UNC13C: variants seen among roughly 807,000 people sequenced by gnomAD.
UNC13C encodes protein unc-13 homolog C.
In UNC13C, 174 loss-of-function variants were observed where a neutral mutation model predicts 245.4. The observed-to-expected ratio is 0.71, with a 90% CI of 0.63 to 0.80. The LOEUF (loss-of-function observed/expected upper bound fraction) is 0.80. UNC13C is among the 30% of genes least tolerant of loss of function. The pLI, the probability that UNC13C is intolerant of heterozygous loss-of-function variation, is 0.00. For synonymous variants in UNC13C, 992 were observed against 895.1 expected (o/e 1.11, Z -1.93); for missense variants, 2,829 against 2,602.9 (o/e 1.09, Z -1.89).
intron 12 of UNC13C, among the ~76,000 whole-genome samples, chr15:54,298,329 GT>G (rs2037489890): frequency 6.6e-6 from 1 of 152,210 alleles, no homozygotes; most frequent in Admixed American, 6.5e-5. Context: ...TCGTAATTGT[GT>G]TTGAGAACTC....
intron 19 of UNC13C, among the ~76,000 whole-genome samples, chr15:54,475,340 G>A (rs1456173946): frequency 6.7e-6 from 1 of 149,432 alleles, no homozygotes; most frequent in Admixed American, 6.7e-5. Flanking sequence ...AAGTTTTAGG[G>A]TACATGTGCA....
intron 10 of UNC13C, among the ~76,000 whole-genome samples, chr15:54,281,154 A>G (rs2036986351): frequency 6.6e-6 from 1 of 152,150 alleles, no homozygotes; most frequent in Non-Finnish European, 1.5e-5. Context: ...CAGACTGACT[A>G]TATAAGCATT....
At chr15:54,575,560 C>T (rs530602271) in intron 30 of UNC13C, among the ~76,000 whole-genome samples, 59 of 147,244 alleles carry the variant, frequency 4.0e-4, no homozygotes, top group Admixed American at 2.9e-3. Flanking sequence ...AAACTGTTCT[C>T]AAATTAAAAA....
chr15:54,083,306 G>C (rs8037015), intron 2 of UNC13C, among the ~76,000 whole-genome samples: 132,685 of 152,114 alleles, frequency 0.87, 58,869 homozygotes, highest in Non-Finnish European at 0.96. Context: ...TGTGGCTATG[G>C]CCCTCTGGCA....
chr15:54,020,134 T>C (rs1198289241), intron 2 of UNC13C, among the ~76,000 whole-genome samples: 3 of 152,176 alleles, frequency 2.0e-5, no homozygotes, highest in Non-Finnish European at 4.4e-5. Context: ...AGGGATGTGA[T>C]CATCAGAACA....
chr15:54,475,699 G>T (rs1197634988), intron 19 of UNC13C, among the ~76,000 whole-genome samples: 1 of 142,504 alleles, frequency 7.0e-6, no homozygotes, highest in African/African-American at 2.6e-5. Flanking sequence ...TCTTAATCCA[G>T]TCTATCATTG....
chr15:54,288,586 A>G (rs1287524555), intron 10 of UNC13C, among the ~76,000 whole-genome samples: 3 of 151,992 alleles, frequency 2.0e-5, no homozygotes, highest in Admixed American at 1.3e-4. Context: ...CACATTGGCT[A>G]AAGTCCATCT....
At chr15:53,845,366 A>G in the UNC13C span, among the ~76,000 whole-genome samples, 1 of 152,008 alleles carries the variant, frequency 6.6e-6, no homozygotes, top group African/African-American at 2.4e-5. Flanking sequence ...AGCATGGAAC[A>G]GTATAGAAAA....
At chr15:54,410,654 A>G (rs939157541) in intron 18 of UNC13C, among the ~76,000 whole-genome samples, 1 of 151,952 alleles carries the variant, frequency 6.6e-6, no homozygotes, top group Non-Finnish European at 1.5e-5. Context: ...TTTGTGAAAG[A>G]CCAGATGGTT....
intron 18 of UNC13C, among the ~76,000 whole-genome samples, chr15:54,403,425 CTT>C (rs1444806221): frequency 1.3e-5 from 2 of 151,854 alleles, no homozygotes; most frequent in African/African-American, 4.8e-5. Context: ...TAAATAAAAA[CTT>C]TTAAAAAGTG....
intron 3 of UNC13C, 148 bp downstream of exon 3, chr15:54,143,188 G>A: frequency 1.2e-6 from 1 of 816,278 alleles, no homozygotes; most frequent in South Asian, 1.6e-5. Flanking sequence ...TGTCCTTTAA[G>A]TGTGCCTCTG....
At chr15:54,628,909 C>T (rs1038075913), downstream of UNC13C, 8 of 151,688 alleles carry the variant, frequency 5.3e-5, no homozygotes, top group East Asian at 1.9e-4. Flanking sequence ...AATTACCATT[C>T]GACTAAGCAA....
chr15:54,397,166 C>T (rs2040087629), intron 18 of UNC13C, among the ~76,000 whole-genome samples: 1 of 151,514 alleles, frequency 6.6e-6, no homozygotes, highest in Non-Finnish European at 1.5e-5. Flanking sequence ...ACATTTAAGT[C>T]TATAATTCAT....
chr15:54,445,948 C>T (rs1355520755), intron 19 of UNC13C, among the ~76,000 whole-genome samples: 1 of 152,112 alleles, frequency 6.6e-6, no homozygotes, highest in East Asian at 1.9e-4. Context: ...AGTCTTTAAT[C>T]CATCTTGAAT....
chr15:54,546,698 T>C (rs759300191), intron 26 of UNC13C, 24 bp from the exon 27 acceptor site: 1 of 1,245,812 alleles, frequency 8.0e-7, no homozygotes, highest in Non-Finnish European at 1.1e-6. Context: ...TAAAAGTGAA[T>C]ATATATATAT....
chr15:54,500,056 G>A, intron 20 of UNC13C, 23 bp from the exon 21 acceptor site: 1 of 1,546,792 alleles, frequency 6.5e-7, no homozygotes, highest in Non-Finnish European at 8.8e-7. Context: ...TTTGTGGTAT[G>A]TAACATTATT....
chr15:54,485,955 C>T (rs1445611171), intron 19 of UNC13C, among the ~76,000 whole-genome samples: 1 of 152,178 alleles, frequency 6.6e-6, no homozygotes, highest in East Asian at 1.9e-4. Flanking sequence ...ACTTCCTCCC[C>T]TTACATTACA....
At chr15:54,103,610 A>G (rs552451180) in intron 2 of UNC13C, among the ~76,000 whole-genome samples, 1 of 152,244 alleles carries the variant, frequency 6.6e-6, no homozygotes, top group East Asian at 1.9e-4. Context: ...CCCTATCATT[A>G]TTGATTGCCT....
the UNC13C span, among the ~76,000 whole-genome samples, chr15:53,855,207 G>A: frequency 2.6e-5 from 4 of 152,100 alleles, no homozygotes; most frequent in Admixed American, 2.6e-4. Flanking sequence ...GAGACAATGG[G>A]GTTTTCTAGA....
Sources: allele counts gnomAD v4.1 joint callset (sites outside exome capture counted in the v4.1 genomes callset), GRCh38; gene constraint gnomAD v4.1.1; transcripts MANE v1.5; gene names NCBI Gene and HGNC (gene_info 2026-07-23, HGNC 2026-07-21).